JADE3: variants seen among roughly 807,000 people sequenced by gnomAD.
JADE3 encodes the protein jade family PHD finger 3.
In JADE3, 2 loss-of-function variants were observed where a neutral mutation model predicts 50.1. The ratio of observed to expected loss-of-function variants is 0.04; its 90% CI spans 0.02 to 0.13. The LOEUF (loss-of-function observed/expected upper bound fraction) is 0.13. Ranked by LOEUF, JADE3 falls within the 10% of genes least tolerant of loss-of-function variation. The pLI is 1.00. For synonymous variants in JADE3, 218 were observed against 232.9 expected, an observed-to-expected ratio of 0.94 and a Z score of 0.58; for missense variants, 475 against 634.4, an observed-to-expected ratio of 0.75 and a Z score of 2.70.
intron 1 of JADE3, among the ~76,000 whole-genome samples, chrX:46,939,433 TA>T (rs1926704427): frequency 8.9e-6 from 1 of 111,783 alleles, no homozygotes. Context: ...GTATTTACTA[TA>T]CATCTCAGAC....
rs184855821 is a variant in JADE3 at position 47,049,445 on chromosome X, C to T, written c.973-4713C>T. 3.4e-3 allele frequency among the ~76,000 whole-genome samples: 366 copies of T among 106,995 alleles called. 2 individuals are homozygous for T. Among genetic ancestry groups the T allele is most frequent in the Non-Finnish European group, 5.7e-3 (294 of 51,982 alleles). The allele number at this position is 106,995 out of a possible 115,157, so 92.9% of individuals were successfully genotyped here. ...CCTCCCAAAATGCTGGGATTATAGGCGTGAGCCACCGCGCCCAACCCTTTT... is the reference window on the plus strand; with the variant it reads ...CCTCCCAAAATGCTGGGATTATAGGTGTGAGCCACCGCGCCCAACCCTTTT... On this transcript the variant is annotated intron_variant, in intron 8 of 10. Transcript: ENST00000614628.
At chrX:47,015,680 C>T (rs926106315) in intron 4 of JADE3, among the ~76,000 whole-genome samples, 7 of 107,381 alleles carry the variant, frequency 6.5e-5, no homozygotes, top group African/African-American at 1.0e-4. Flanking sequence ...TATTGGGATA[C>T]GCCATTTGTT....
At chrX:47,006,197 A>C (rs1556360260) in intron 4 of JADE3, among the ~76,000 whole-genome samples, 1 of 111,705 alleles carries the variant, frequency 9.0e-6, no homozygotes, top group African/African-American at 3.2e-5. Flanking sequence ...TCCCTCTTTC[A>C]TTCCTATTAT....
Position 46,982,375 on chromosome X carries a change from C to T in JADE3, c.-11-2509C>T, listed in dbSNP as rs375679041. The stretch of plus-strand genomic sequence containing the variant: ...TTGTAAAATATTGTCATCATACCTT[C>T]CTTTACTTCTTTAATCATGGTTTTC... On this transcript the variant is annotated intron_variant, in intron 1 of 10. Coordinates refer to ENST00000614628, the MANE Select transcript of JADE3 (RefSeq NM_014735.5). Among the ~76,000 whole-genome samples the T allele has an allele frequency of 4.7e-3, 519 of 111,225 alleles. 2 individuals carry two copies. Among genetic ancestry groups the T allele is most frequent in the African/African-American group, 0.016 (499 of 30,670 alleles).
intron 1 of JADE3, among the ~76,000 whole-genome samples, chrX:46,948,828 G>A (rs1183303962): frequency 9.0e-6 from 1 of 111,627 alleles, no homozygotes; most frequent in Non-Finnish European, 1.9e-5. Context: ...TACCGCAGGG[G>A]TTACCAGGTT....
At chrX:46,925,849 A>C in intron 1 of JADE3, among the ~76,000 whole-genome samples, 1 of 101,945 alleles carries the variant, frequency 9.8e-6, no homozygotes. Context: ...AAGATGACCT[A>C]TTGACTTTTT....
chrX:46,913,370 A>C (rs1279137839), intron 1 of JADE3, among the ~76,000 whole-genome samples: 2 of 110,742 alleles, frequency 1.8e-5, no homozygotes, highest in Non-Finnish European at 3.8e-5. Context: ...TTTCCCTCCC[A>C]CTGGCGGCAT....
chrX:46,985,888 C>G lies in JADE3; in HGVS notation c.126+96C>G, dbSNP rs1301048764. Reference sequence around the variant, plus strand: ...AAATTATATCCCAATGTTGGAGGTGCAGGCCTAATGGGAGATGTTTGGATC... The same window carrying G: ...AAATTATATCCCAATGTTGGAGGTGGAGGCCTAATGGGAGATGTTTGGATC... On this transcript the variant is annotated intron_variant, in intron 3 of 10. Coordinates refer to ENST00000614628, the MANE Select transcript of JADE3 (RefSeq NM_014735.5). 3 of 573,844 alleles carry G rather than the reference C, an allele frequency of 5.2e-6. No homozygotes were observed. In the Admixed American group the frequency reaches 8.2e-5, roughly 16 times the overall value. The allele number at this position is 573,844 out of a possible 1,213,427, so 47.3% of individuals were successfully genotyped here. A position where few individuals can be genotyped will look rare whatever the true frequency, so the allele number is the denominator to read the frequency against.
intron 3 of JADE3, among the ~76,000 whole-genome samples, chrX:46,991,439 TGTTTATCC>T (rs1242867109): frequency 1.8e-4 from 20 of 110,689 alleles, no homozygotes; most frequent in African/African-American, 6.6e-4. Flanking sequence ...CACCACATTT[TGTTTATCC>T]GTTCATCAGT....
chrX:46,980,073 T>A (rs1556352602), intron 1 of JADE3, among the ~76,000 whole-genome samples: 1 of 107,941 alleles, frequency 9.3e-6, no homozygotes. Context: ...ACAGACGGGG[T>A]TTCACCATGT....
chrX:46,964,626 C>G (rs1232702141), intron 1 of JADE3, among the ~76,000 whole-genome samples: 2 of 111,900 alleles, frequency 1.8e-5, no homozygotes, highest in Non-Finnish European at 3.8e-5. Context: ...AATTCCTGAC[C>G]CACAAAATTC....
intron 1 of JADE3, among the ~76,000 whole-genome samples, chrX:46,934,436 C>G (rs1926568571): frequency 1.8e-5 from 2 of 110,692 alleles, no homozygotes; most frequent in African/African-American, 6.6e-5. Context: ...GTAGCTGGGA[C>G]TACAGGTGCC....
At chrX:47,012,970 A>G (rs1008236624) in intron 4 of JADE3, among the ~76,000 whole-genome samples, 3 of 111,530 alleles carry the variant, frequency 2.7e-5, no homozygotes, top group Admixed American at 1.9e-4. Flanking sequence ...AAGAAAGCAT[A>G]GTTATTGAAT....
At chrX:47,008,263 G>A (rs1294976868) in intron 4 of JADE3, among the ~76,000 whole-genome samples, 2 of 111,772 alleles carry the variant, frequency 1.8e-5, no homozygotes, top group African/African-American at 6.5e-5. Flanking sequence ...TGTCCCAGAG[G>A]AAGTGATACT....
intron 4 of JADE3, among the ~76,000 whole-genome samples, chrX:47,013,931 C>G (rs1556362282): frequency 3.0e-4 from 34 of 112,007 alleles, no homozygotes; most frequent in Non-Finnish European, 1.3e-4. Flanking sequence ...TTGAACATCC[C>G]CAAAAACTGT....
In JADE3 at chrX:46,972,323, ATAGCTGGGATTATAG is replaced by A. The variant is rs1556350620; in HGVS notation, c.-11-12560_-11-12546del. Among the ~76,000 whole-genome samples the A allele has an allele frequency of 1.5e-4, 17 of 110,250 alleles. No individual in the cohort carries two copies. The East Asian group carries it at 3.5e-3, about 22-fold the overall frequency. On this transcript the variant is annotated intron_variant, in intron 1 of 10. Coordinates refer to ENST00000614628, the MANE Select transcript of JADE3 (RefSeq NM_014735.5). ...CAATTCTCATGCCTCAGCTTCCTGAATAGCTGGGATTATAGGCATTCACCACCACGCCTGGCTAAT... is the reference window on the plus strand; with the variant it reads ...CAATTCTCATGCCTCAGCTTCCTGAAGCATTCACCACCACGCCTGGCTAAT...
intron 7 of JADE3, among the ~76,000 whole-genome samples, chrX:47,034,214 T>C (rs1032733204): frequency 2.3e-4 from 25 of 110,930 alleles, no homozygotes; most frequent in Non-Finnish European, 4.5e-4. Flanking sequence ...TACACGTTTG[T>C]ATCTGTAACC....
chrX:46,958,452 G>A lies in JADE3; in HGVS notation c.-11-26432G>A, dbSNP rs113550338. ...AAGTTTTGATCAAGATAGGGCCAAG[G>A]GCATAGCTCTGTGTCCCACCAGAAG... On this transcript the variant is annotated intron_variant, in intron 1 of 10. Transcript: ENST00000614628. Among the ~76,000 whole-genome samples, 371 of 111,398 alleles carry A rather than the reference G, an allele frequency of 3.3e-3. 1 individual carries two copies. Among genetic ancestry groups the A allele is most frequent in the African/African-American group, 0.012 (356 of 30,682 alleles).
intron 7 of JADE3, among the ~76,000 whole-genome samples, chrX:47,035,948 G>C (rs1199516207): frequency 2.7e-5 from 3 of 110,969 alleles, no homozygotes; most frequent in Non-Finnish European, 5.7e-5. Flanking sequence ...TTTGAGACCA[G>C]CCTGGGCAAC....
Sources: gnomAD v4.1 joint callset for allele counts (sites outside exome capture counted in the v4.1 genomes callset) on GRCh38, gnomAD v4.1.1 for gene constraint, MANE v1.5 for transcripts, NCBI Gene and HGNC (gene_info 2026-07-23, HGNC 2026-07-21) for gene names.